The following LMNTD1 variants were observed in gnomAD, a reference collection of about 807,000 sequenced individuals.
LMNTD1 encodes the protein lamin tail domain-containing protein 1.
Under a neutral mutation model 50.9 loss-of-function variants are expected in LMNTD1, and 35 were observed. That is an observed-to-expected ratio of 0.69 (90% CI 0.53 to 0.91). The LOEUF is 0.91. Ranked by LOEUF, LMNTD1 falls within the 40% of genes least tolerant of loss-of-function variation. The probability of loss-of-function intolerance (pLI) is 0.00; values close to 1 mark genes in which losing one functional copy is unlikely to be tolerated. For synonymous variants in LMNTD1, 153 were observed against 161.9 expected (o/e 0.94, Z 0.42); for missense variants, 470 against 475.5 (o/e 0.99, Z 0.11).
intron 1 of LMNTD1, among the ~76,000 whole-genome samples, chr12:25,604,093 T>C (rs1946042140): frequency 6.6e-6 from 1 of 152,146 alleles, no homozygotes; most frequent in Non-Finnish European, 1.5e-5. Context: ...CAAAGCCATC[T>C]AGTTTAAATG....
chr12:25,520,506 A>G (rs962940890), intron 6 of LMNTD1, among the ~76,000 whole-genome samples: 1 of 152,094 alleles, frequency 6.6e-6, no homozygotes, highest in Non-Finnish European at 1.5e-5. Context: ...GACTTATTTC[A>G]CTCAGCATAA....
At chr12:25,631,214 G>T (rs1946712010) in intron 1 of LMNTD1, among the ~76,000 whole-genome samples, 1 of 152,116 alleles carries the variant, frequency 6.6e-6, no homozygotes, top group South Asian at 2.1e-4. Flanking sequence ...TACCCACCCT[G>T]GTAGCAGAAG....
chr12:25,614,975 A>T (rs1448268759), intron 1 of LMNTD1, among the ~76,000 whole-genome samples: 1 of 152,132 alleles, frequency 6.6e-6, no homozygotes, highest in Admixed American at 6.5e-5. Context: ...ATATTGGATT[A>T]AGGCCCAATC....
At chr12:25,527,382 T>G (rs1941804272) in intron 4 of LMNTD1, among the ~76,000 whole-genome samples, 2 of 151,912 alleles carry the variant, frequency 1.3e-5, no homozygotes, top group Admixed American at 1.3e-4. Context: ...AAAAGATTTT[T>G]GAAAGGTAAA....
intron 9 of LMNTD1, among the ~76,000 whole-genome samples, chr12:25,476,968 G>A (rs1938287290): frequency 6.6e-6 from 1 of 152,106 alleles, no homozygotes; most frequent in Non-Finnish European, 1.5e-5. Context: ...GTAATCCAGG[G>A]CCATTATCAC....
chr12:25,590,024 C>T (rs1174931264), intron 1 of LMNTD1, among the ~76,000 whole-genome samples: 1 of 152,062 alleles, frequency 6.6e-6, no homozygotes, highest in East Asian at 1.9e-4. Context: ...ATCATGCCCC[C>T]TACAAAGACA....
chr12:25,526,566 C>A (rs1310368929), intron 5 of LMNTD1, among the ~76,000 whole-genome samples: 5 of 152,112 alleles, frequency 3.3e-5, no homozygotes, highest in Non-Finnish European at 7.4e-5. Flanking sequence ...AAATTGAAGA[C>A]AGCTGTGGAA....
chr12:25,534,915 C>T (rs549010687), intron 4 of LMNTD1, among the ~76,000 whole-genome samples: 1 of 152,108 alleles, frequency 6.6e-6, no homozygotes, highest in South Asian at 2.1e-4. Context: ...GGTCCCAGAA[C>T]AAAACTCAAG....
intron 4 of LMNTD1, among the ~76,000 whole-genome samples, chr12:25,543,184 A>G (rs372588956): frequency 7.9e-5 from 12 of 152,040 alleles, no homozygotes; most frequent in African/African-American, 2.7e-4. Flanking sequence ...AATAAGTTCT[A>G]TAAGACATTT....
intron 9 of LMNTD1, among the ~76,000 whole-genome samples, chr12:25,497,142 T>C (rs1939106002): frequency 6.6e-6 from 1 of 152,110 alleles, no homozygotes; most frequent in African/African-American, 2.4e-5. Flanking sequence ...TTTGGGCTTT[T>C]GTGAATAATA....
intron 1 of LMNTD1, among the ~76,000 whole-genome samples, chr12:25,583,763 A>C (rs541220390): frequency 6.6e-6 from 1 of 152,162 alleles, no homozygotes; most frequent in East Asian, 1.9e-4. Context: ...TTAGACAGTG[A>C]TAAGAAATGA....
At chr12:25,550,296 T>G (rs1358440781) in intron 2 of LMNTD1, among the ~76,000 whole-genome samples, 1 of 152,224 alleles carries the variant, frequency 6.6e-6, no homozygotes, top group Non-Finnish European at 1.5e-5. Flanking sequence ...TTTTACAAGT[T>G]AAACAACACT....
intron 9 of LMNTD1, among the ~76,000 whole-genome samples, chr12:25,501,228 T>A (rs1939369480): frequency 6.6e-6 from 1 of 152,124 alleles, no homozygotes; most frequent in Non-Finnish European, 1.5e-5. Context: ...TGACCTCAAG[T>A]AATCCACCTG....
chr12:25,611,684 T>C (rs1217491337), intron 1 of LMNTD1, among the ~76,000 whole-genome samples: 1 of 152,214 alleles, frequency 6.6e-6, no homozygotes, highest in Non-Finnish European at 1.5e-5. Context: ...CTCATACACA[T>C]ACGTACACAC....
intron 1 of LMNTD1, among the ~76,000 whole-genome samples, chr12:25,575,940 G>T (rs1442920014): frequency 6.6e-6 from 1 of 152,122 alleles, no homozygotes; most frequent in African/African-American, 2.4e-5. Flanking sequence ...AACATGGGGT[G>T]TTTGGTTTTC....
Position 25,509,344 on chromosome 12 carries a change from G to A in LMNTD1, c.1190-5544C>T, listed in dbSNP as rs188395966. Among the ~76,000 whole-genome samples, 390 of 152,296 alleles carry A rather than the reference G, an allele frequency of 2.6e-3. 6 individuals carry two copies. The highest frequency in any genetic ancestry group is 6.2e-3 in the East Asian group (32 of 5,184). On this transcript the variant is annotated intron_variant, in intron 8 of 9. Transcript: ENST00000458174. Reference sequence around the variant, plus strand: ...GCTGGTCTCGAACTCCTGACCTCAGGTGATCTGCCTGCCTCGGCCTCCCAA... The same window carrying A: ...GCTGGTCTCGAACTCCTGACCTCAGATGATCTGCCTGCCTCGGCCTCCCAA...
At chr12:25,553,962 T>C (rs561956005), upstream of LMNTD1, among the ~76,000 whole-genome samples, 1 of 152,312 alleles carries the variant, frequency 6.6e-6, no homozygotes, top group African/African-American at 2.4e-5. Flanking sequence ...GAAATAATAC[T>C]AAAATATCTT....
At chr12:25,525,647 T>C (rs1941651268) in intron 6 of LMNTD1, among the ~76,000 whole-genome samples, 1 of 152,138 alleles carries the variant, frequency 6.6e-6, no homozygotes, top group African/African-American at 2.4e-5. Context: ...TTGATTTGCC[T>C]GATGTGTTGT....
chr12:25,622,761 C>T (rs1039148604), intron 1 of LMNTD1, among the ~76,000 whole-genome samples: 17 of 152,180 alleles, frequency 1.1e-4, no homozygotes, highest in African/African-American at 4.1e-4. Flanking sequence ...TGAAGCTCAA[C>T]TATGAAAACA....
Sources: gnomAD v4.1 joint callset for allele counts (sites outside exome capture counted in the v4.1 genomes callset) on GRCh38, gnomAD v4.1.1 for gene constraint, MANE v1.5 for transcripts, NCBI Gene and HGNC (gene_info 2026-07-23, HGNC 2026-07-21) for gene names.